The following XPR1 variants were observed in gnomAD, a reference collection of about 807,000 sequenced individuals.
XPR1 encodes xenotropic and polytropic retrovirus receptor 1.
A neutral mutation model predicts 87.5 loss-of-function variants in XPR1; 28 were observed. The observed-to-expected ratio is 0.32, with a 90% CI of 0.24 to 0.44. The LOEUF (loss-of-function observed/expected upper bound fraction) is 0.44, where lower values mean the gene tolerates loss of function less well. Ranked by LOEUF, XPR1 falls within the 20% of genes least tolerant of loss-of-function variation. The pLI is 1.00. For missense variants in XPR1, 559 were observed against 862.3 expected, an observed-to-expected ratio of 0.65 and a Z score of 4.41; for synonymous variants, 300 against 306.1, an observed-to-expected ratio of 0.98 and a Z score of 0.21.
At chr1:180,661,639 G>A (rs758420212) in intron 1 of XPR1, among the ~76,000 whole-genome samples, 2 of 152,042 alleles carry the variant, frequency 1.3e-5, no homozygotes, top group African/African-American at 4.8e-5. Flanking sequence ...GGAGGCCAAG[G>A]GGGGCAGATC....
chr1:180,789,041 A>T (rs1364180700), intron 3 of XPR1, among the ~76,000 whole-genome samples: 1 of 152,192 alleles, frequency 6.6e-6, no homozygotes, highest in Admixed American at 6.5e-5. Flanking sequence ...GAGACAGGAG[A>T]TGGAAAAAGG....
rs372311507 is a variant in XPR1 at position 180,787,871 on chromosome 1, C to CTT, written c.223+26_223+27dup. Reference sequence around the variant, plus strand: ...TTTATTCAGGTGAGTAATTAAGAGACTTTTTTTTTTGCTGCCGGGGAAGGA... The same window carrying CTT: ...TTTATTCAGGTGAGTAATTAAGAGACTTTTTTTTTTTTGCTGCCGGGGAAGGA... On this transcript the variant is annotated intron_variant, in intron 3 of 14. Coordinates refer to ENST00000367590, the MANE Select transcript of XPR1 (RefSeq NM_004736.4). 1,060 of 1,352,446 alleles carry CTT rather than the reference C, an allele frequency of 7.8e-4. 4 individuals are homozygous for CTT. In the African/African-American group the frequency reaches 0.01, roughly 13 times the overall value. The allele number at this position is 1,352,446 out of a possible 1,614,324, so 83.8% of individuals were successfully genotyped here. A position where few individuals can be genotyped will look rare whatever the true frequency, so the allele number is the denominator to read the frequency against.
intron 2 of XPR1, among the ~76,000 whole-genome samples, chr1:180,785,011 TTGTGTGTG>T (rs1186269708): frequency 1.1e-3 from 150 of 136,392 alleles, no homozygotes; most frequent in African/African-American, 3.5e-3. Context: ...GTGTGTGTGT[TTGTGTGTG>T]TGTGTGTGTG....
chr1:180,654,681 A>G (rs1375526901), intron 1 of XPR1, among the ~76,000 whole-genome samples: 2 of 152,148 alleles, frequency 1.3e-5, no homozygotes, highest in Non-Finnish European at 2.9e-5. Flanking sequence ...TAATTTTGTG[A>G]TGCATTACAT....
intron 2 of XPR1, among the ~76,000 whole-genome samples, chr1:180,691,141 T>G (rs921783217): frequency 6.6e-6 from 1 of 152,152 alleles, no homozygotes; most frequent in Admixed American, 6.5e-5. Flanking sequence ...TTTTTTGTTT[T>G]TGTGGCATCA....
chr1:180,754,516 A>G (rs1311660491), intron 2 of XPR1, among the ~76,000 whole-genome samples: 1 of 151,972 alleles, frequency 6.6e-6, no homozygotes, highest in African/African-American at 2.4e-5. Flanking sequence ...GCTGGAGTAT[A>G]CTGGTGCGAT....
chr1:180,821,338 A>C (rs751692172), intron 7 of XPR1, among the ~76,000 whole-genome samples: 5 of 152,214 alleles, frequency 3.3e-5, no homozygotes, highest in African/African-American at 1.2e-4. Flanking sequence ...GTTGGCACTC[A>C]TGTTGAAAAT....
At chr1:180,636,789 C>T (rs1192655680) in intron 1 of XPR1, among the ~76,000 whole-genome samples, 3 of 152,192 alleles carry the variant, frequency 2.0e-5, no homozygotes, top group Non-Finnish European at 1.5e-5. Context: ...CGGTGGCTCA[C>T]GCCTGTAATC....
At chr1:180,703,147 G>C (rs756019258) in intron 2 of XPR1, among the ~76,000 whole-genome samples, 3 of 152,166 alleles carry the variant, frequency 2.0e-5, no homozygotes, top group South Asian at 2.1e-4. Context: ...CACTAGACCA[G>C]CTAGTCCTTG....
intron 2 of XPR1, among the ~76,000 whole-genome samples, chr1:180,694,772 T>C (rs72723003): frequency 0.079 from 8,081 of 101,808 alleles, 309 homozygotes; most frequent in Non-Finnish European, 0.1. Flanking sequence ...GATTGTTGTG[T>C]GCACACACAC....
At chr1:180,774,095 T>C (rs1435698086) in intron 2 of XPR1, among the ~76,000 whole-genome samples, 2 of 152,160 alleles carry the variant, frequency 1.3e-5, no homozygotes, top group African/African-American at 4.8e-5. Flanking sequence ...GAAGAGTGTC[T>C]TTATCAGACA....
Position 180,705,524 on chromosome 1 carries a change from G to A in XPR1, c.121+23113G>A, listed in dbSNP as rs1025562789. Among the ~76,000 whole-genome samples the A allele has an allele frequency of 5.3e-5, 8 of 152,180 alleles. No homozygotes were observed. The South Asian group carries it at 1.7e-3, about 32-fold the overall frequency. ...CAATTGCTGTGCAGTTCCAAAATATGTTCTTATTAGGTTCCTCACAAAGGA... is the reference window on the plus strand; with the variant it reads ...CAATTGCTGTGCAGTTCCAAAATATATTCTTATTAGGTTCCTCACAAAGGA... On this transcript the variant is annotated intron_variant, in intron 2 of 14. Transcript: ENST00000367590.
At chr1:180,781,001 GC>G (rs1158437732) in intron 2 of XPR1, among the ~76,000 whole-genome samples, 2 of 151,902 alleles carry the variant, frequency 1.3e-5, no homozygotes, top group East Asian at 3.9e-4. Flanking sequence ...AGAAACCATT[GC>G]CCCATCTGAG....
intron 2 of XPR1, among the ~76,000 whole-genome samples, chr1:180,739,732 T>A (rs570736025): frequency 6.6e-6 from 1 of 152,304 alleles, no homozygotes; most frequent in South Asian, 2.1e-4. Context: ...ATTGCCAGTG[T>A]ATAAAATTAT....
chr1:180,825,640 A>G (rs1006042152), intron 9 of XPR1, among the ~76,000 whole-genome samples: 1 of 152,234 alleles, frequency 6.6e-6, no homozygotes, highest in African/African-American at 2.4e-5. Flanking sequence ...AAATGTGGTA[A>G]AAGAATTATT....
At chr1:180,674,609 G>C (rs1656302918) in intron 1 of XPR1, among the ~76,000 whole-genome samples, 1 of 151,276 alleles carries the variant, frequency 6.6e-6, no homozygotes, top group Non-Finnish European at 1.5e-5. Flanking sequence ...GTGCAGGCTG[G>C]ACTTGAACTC....
At chr1:180,806,020 G>T in intron 4 of XPR1, 42 bp from the exon 5 acceptor site, 1 of 1,589,680 alleles carries the variant, frequency 6.3e-7, no homozygotes, top group Non-Finnish European at 8.6e-7. Context: ...CATTTTTGAT[G>T]GTAGTAGAAA....
intron 3 of XPR1, among the ~76,000 whole-genome samples, chr1:180,796,565 T>C (rs915661489): frequency 2.0e-5 from 3 of 151,298 alleles, no homozygotes; most frequent in African/African-American, 7.4e-5. Context: ...AACTTTTACC[T>C]ATTTATTCAT....
At chr1:180,799,649 G>A (rs72723033) in intron 3 of XPR1, among the ~76,000 whole-genome samples, 1,798 of 152,188 alleles carry the variant, frequency 0.012, 13 homozygotes, top group Middle Eastern at 0.024. Flanking sequence ...TTTATTCCAG[G>A]GAGGACAAAT....
Sources: gnomAD v4.1 joint callset for allele counts (sites outside exome capture counted in the v4.1 genomes callset) on GRCh38, gnomAD v4.1.1 for gene constraint, MANE v1.5 for transcripts, NCBI Gene and HGNC (gene_info 2026-07-23, HGNC 2026-07-21) for gene names.